Variants in AKAP6 observed in about 807,000 individuals in gnomAD.
AKAP6 encodes the protein A-kinase anchor protein 6.
In AKAP6, 58 loss-of-function variants were observed where a neutral mutation model predicts 188.5. That is an observed-to-expected ratio of 0.31 (90% CI 0.25 to 0.38). AKAP6 has a LOEUF of 0.38. Among genes scored for constraint, AKAP6 ranks in the 10% least tolerant of loss-of-function variants. The pLI is 1.00. For synonymous variants in AKAP6, 989 were observed against 998.6 expected (o/e 0.99, Z 0.18); for missense variants, 2,710 against 2,740.0 (o/e 0.99, Z 0.24).
At chr14:32,652,761 G>A (rs1888283799) in intron 7 of AKAP6, among the ~76,000 whole-genome samples, 1 of 152,136 alleles carries the variant, frequency 6.6e-6, no homozygotes, top group Admixed American at 6.5e-5. Flanking sequence ...TCTCTAAAAT[G>A]TCCATCATTA....
At chr14:32,587,293 GGAA>G (rs1357317252) in intron 5 of AKAP6, among the ~76,000 whole-genome samples, 4 of 152,066 alleles carry the variant, frequency 2.6e-5, no homozygotes, top group African/African-American at 9.7e-5. Context: ...TCTGTGAATA[GGAA>G]ATTTTTAAAA....
intron 7 of AKAP6, among the ~76,000 whole-genome samples, chr14:32,671,939 G>A (rs536905995): frequency 6.6e-6 from 1 of 152,218 alleles, no homozygotes; most frequent in Non-Finnish European, 1.5e-5. Flanking sequence ...AAAGCATTAG[G>A]TCTATATGTG....
intron 7 of AKAP6, among the ~76,000 whole-genome samples, chr14:32,604,190 G>A (rs1886045774): frequency 6.6e-6 from 1 of 152,020 alleles, no homozygotes; most frequent in African/African-American, 2.4e-5. Flanking sequence ...TTCTATTCTA[G>A]AGCATTTTCA....
At chr14:32,495,684 A>G (rs923444496) in intron 2 of AKAP6, among the ~76,000 whole-genome samples, 1 of 152,184 alleles carries the variant, frequency 6.6e-6, no homozygotes, top group Non-Finnish European at 1.5e-5. Context: ...TTTAAAATTT[A>G]CCTTCCTCTT....
chr14:32,612,516 A>C (rs1480459643), intron 7 of AKAP6, among the ~76,000 whole-genome samples: 1 of 152,070 alleles, frequency 6.6e-6, no homozygotes, highest in Admixed American at 6.6e-5. Flanking sequence ...CTTCCTTTCT[A>C]CACTTCTCTC....
chr14:32,443,141 A>G (rs1890637023), intron 2 of AKAP6, among the ~76,000 whole-genome samples: 1 of 152,148 alleles, frequency 6.6e-6, no homozygotes, highest in African/African-American at 2.4e-5. Context: ...CACGCCTGTA[A>G]TCCCAGTACT....
rs17099601 is a variant in AKAP6, at chr14:32,827,583, G to C, written c.*43-2265G>C. ...TGCACTGATTTCCAGGCATACTGCT[G>C]TGCTTTTCACTATTTTCATTTTTGT... is the stretch of plus-strand genomic sequence containing the variant. On this transcript the variant is annotated intron_variant, in intron 13 of 13. Coordinates refer to ENST00000280979, the MANE Select transcript of AKAP6 (RefSeq NM_004274.5). Among the ~76,000 whole-genome samples the C allele has an allele frequency of 2.7e-3, 409 of 152,264 alleles. 14 individuals are homozygous for C. In the East Asian group the frequency reaches 0.065, roughly 24 times the overall value.
intron 7 of AKAP6, among the ~76,000 whole-genome samples, chr14:32,633,210 A>C (rs899308306): frequency 1.8e-4 from 27 of 152,148 alleles, no homozygotes; most frequent in Non-Finnish European, 3.4e-4. Flanking sequence ...AAATGATAAA[A>C]TCATACAGCA....
At chr14:32,463,951 G>T (rs1019638416) in intron 2 of AKAP6, among the ~76,000 whole-genome samples, 4 of 152,142 alleles carry the variant, frequency 2.6e-5, no homozygotes, top group African/African-American at 9.7e-5. Flanking sequence ...TACCATCAGA[G>T]AATACTATAA....
chr14:32,493,468 C>T (rs928294952), intron 2 of AKAP6, among the ~76,000 whole-genome samples: 6 of 152,074 alleles, frequency 3.9e-5, no homozygotes, highest in African/African-American at 1.2e-4. Flanking sequence ...GCTTCAGCCT[C>T]CCAAAGTGCT....
chr14:32,480,193 T>C (rs971154601), intron 2 of AKAP6, among the ~76,000 whole-genome samples: 2 of 152,094 alleles, frequency 1.3e-5, no homozygotes, highest in African/African-American at 4.8e-5. Flanking sequence ...GAGAGAAAAA[T>C]ACTAACTCCT....
intron 11 of AKAP6, among the ~76,000 whole-genome samples, chr14:32,755,563 T>G (rs1049277210): frequency 2.0e-5 from 3 of 151,946 alleles, no homozygotes; most frequent in Non-Finnish European, 4.4e-5. Context: ...GATCTCACTC[T>G]CTCTCCCAGG....
chr14:32,452,622 C>A (rs1482170138), intron 2 of AKAP6, among the ~76,000 whole-genome samples: 1 of 151,272 alleles, frequency 6.6e-6, no homozygotes, highest in Non-Finnish European at 1.5e-5. Flanking sequence ...CCAGCCTGGG[C>A]AAAATAGGGA....
chr14:32,568,290 A>G lies in AKAP6; in HGVS notation c.2347-8830A>G, dbSNP rs1566579836. ...AGAGCTTAGACCCTGGAACAAAACT[A>G]TTTAATAACCACTTAATAGCTATAG... On this transcript the variant is annotated intron_variant, in intron 4 of 13. Transcript: ENST00000280979. The surrounding 1 kb of genome is among the most constrained non-coding windows in gnomAD (Gnocchi z 6.2). 6.6e-6 allele frequency among the ~76,000 whole-genome samples: 1 copy of G among 152,182 alleles called. No homozygotes were observed. Among genetic ancestry groups the G allele is most frequent in the African/African-American group, 2.4e-5 (1 of 41,450 alleles).
At chr14:32,370,039 A>G (rs1210435186) in intron 1 of AKAP6, among the ~76,000 whole-genome samples, 1 of 152,204 alleles carries the variant, frequency 6.6e-6, no homozygotes, top group Middle Eastern at 3.2e-3. Context: ...CTCAAAAACA[A>G]ACAAACAAAA....
Position 32,367,027 on chromosome 14 carries a change from A to C in AKAP6, c.-35+37619A>C, listed in dbSNP as rs143228314. On this transcript the variant is annotated intron_variant, in intron 1 of 13. Transcript: ENST00000280979. ...TGGTAGTCAAACATGAGGGCATTAT[A>C]AAACTCCTTGCTGCGGGCTGCTCCA... 4.1e-3 allele frequency among the ~76,000 whole-genome samples: 624 copies of C among 152,284 alleles called. 3 individuals carry two copies. Among genetic ancestry groups the C allele is most frequent in the African/African-American group, 0.015 (604 of 41,558 alleles).
intron 1 of AKAP6, among the ~76,000 whole-genome samples, chr14:32,386,422 C>T (rs1311844946): frequency 2.0e-5 from 3 of 152,158 alleles, no homozygotes; most frequent in Non-Finnish European, 2.9e-5. Context: ...ATTGTCTCTT[C>T]GTATCCTTAG....
At position 32,546,272 on chromosome 14, in the gene AKAP6, C is replaced by T; in HGVS notation, c.1619C>T (p.Ala540Val). 1 of 1,614,132 alleles carries T rather than the reference C, an allele frequency of 6.2e-7. No homozygotes were observed. Among genetic ancestry groups the T allele is most frequent in the Non-Finnish European group, 8.5e-7 (1 of 1,180,024 alleles). Residue 540 changes from alanine to valine, a missense_variant, in exon 4 of 14, where the codon GCC becomes GTC. This residue lies in a region of AKAP6 where 2,473 missense variants were observed against 2,426.1 expected (regional missense o/e 1.02). Coordinates refer to ENST00000280979, the MANE Select transcript of AKAP6 (RefSeq NM_004274.5). Reference sequence around the variant, plus strand: ...GGAGAGCTTTCTTATACTTCCAAGGCCATAGAGGGGCCACAAACAAATTCT... The same window carrying T: ...GGAGAGCTTTCTTATACTTCCAAGGTCATAGAGGGGCCACAAACAAATTCT... The part of the protein sequence containing the change: ...PNGELSYTSK[A>V]IEGPQTNSAS...
chr14:32,412,135 T>C (rs1889509027), intron 1 of AKAP6, among the ~76,000 whole-genome samples: 1 of 152,232 alleles, frequency 6.6e-6, no homozygotes. Context: ...TTTTCTTTTC[T>C]CTTTAACTAT....
Sources: gnomAD v4.1 joint callset for allele counts (sites outside exome capture counted in the v4.1 genomes callset) on GRCh38, gnomAD v4.1.1 for gene constraint, gnomAD v4.1.1 regional missense constraint, Gnocchi (gnomAD v3.1) non-coding constraint, MANE v1.5 for transcripts, NCBI Gene and HGNC (gene_info 2026-07-23, HGNC 2026-07-21) for gene names.